The following PTPRD variants were observed in gnomAD, a reference collection of about 807,000 sequenced individuals.
PTPRD encodes the protein receptor-type tyrosine-protein phosphatase delta.
Under a neutral mutation model 214.5 loss-of-function variants are expected in PTPRD, and 34 were observed. The observed-to-expected ratio is 0.16, with a 90% confidence interval of 0.12 to 0.21. The LOEUF (loss-of-function observed/expected upper bound fraction) is 0.21. PTPRD is among the 10% of genes least tolerant of loss of function. The pLI is 1.00. For missense variants in PTPRD, 2,545 were observed against 2,398.7 expected, an observed-to-expected ratio of 1.06 and a Z score of -1.27; for synonymous variants, 1,128 against 845.7, an observed-to-expected ratio of 1.33 and a Z score of -5.79.
At chr9:10,240,859 A>G (rs925824882) in intron 3 of PTPRD, among the ~76,000 whole-genome samples, 3 of 151,888 alleles carry the variant, frequency 2.0e-5, no homozygotes, top group African/African-American at 7.2e-5. Flanking sequence ...ATCCATCAAA[A>G]TTAAAATAAT....
intron 2 of PTPRD, among the ~76,000 whole-genome samples, chr9:10,421,571 A>T (rs2098546128): frequency 6.6e-6 from 1 of 151,898 alleles, no homozygotes; most frequent in Non-Finnish European, 1.5e-5. Flanking sequence ...TTACTGTCCA[A>T]TTTTATGAAC....
At chr9:9,237,062 T>A (rs915334367) in intron 9 of PTPRD, among the ~76,000 whole-genome samples, 1 of 152,194 alleles carries the variant, frequency 6.6e-6, no homozygotes, top group African/African-American at 2.4e-5. Context: ...AAAATGGAAC[T>A]GTATACTCAG....
chr9:10,527,209 T>C (rs888833021), intron 2 of PTPRD, among the ~76,000 whole-genome samples: 4 of 152,168 alleles, frequency 2.6e-5, no homozygotes, highest in African/African-American at 9.6e-5. Flanking sequence ...CTTCATTTCT[T>C]TAAAACAGAT....
intron 3 of PTPRD, among the ~76,000 whole-genome samples, chr9:10,108,444 T>G (rs1391675859): frequency 6.7e-6 from 1 of 149,232 alleles, no homozygotes; most frequent in Non-Finnish European, 1.5e-5. Context: ...AAATTTTGTA[T>G]TTTTTTTTAC....
chr9:9,103,843 G>A (rs932012998), intron 10 of PTPRD, among the ~76,000 whole-genome samples: 11 of 152,164 alleles, frequency 7.2e-5, no homozygotes, highest in South Asian at 6.2e-4. Flanking sequence ...TTAGCTGGGC[G>A]TGGTGATGTG....
chr9:9,528,754 G>A (rs1191871408), intron 8 of PTPRD, among the ~76,000 whole-genome samples: 1 of 151,450 alleles, frequency 6.6e-6, no homozygotes, highest in Non-Finnish European at 1.5e-5. Flanking sequence ...AAGAAAGAAA[G>A]GAGGCTTCTC....
chr9:8,424,055 GC>G (rs2094516749), intron 35 of PTPRD, among the ~76,000 whole-genome samples: 1 of 152,110 alleles, frequency 6.6e-6, no homozygotes, highest in Admixed American at 6.6e-5. Flanking sequence ...AGAGCATGAA[GC>G]GGGTGGCTGG....
chr9:9,905,610 A>T (rs1183052601), intron 5 of PTPRD, among the ~76,000 whole-genome samples: 1 of 151,116 alleles, frequency 6.6e-6, no homozygotes, highest in Non-Finnish European at 1.5e-5. Flanking sequence ...CCCTATTCTC[A>T]GAAATTTTTA....
chr9:8,453,466 T>C (rs1216196279), intron 33 of PTPRD, among the ~76,000 whole-genome samples: 1 of 152,204 alleles, frequency 6.6e-6, no homozygotes, highest in African/African-American at 2.4e-5. Context: ...GCCTGGCCGA[T>C]GAAAGGTAGT....
At chr9:8,354,211 T>C (rs2076403167) in intron 39 of PTPRD, among the ~76,000 whole-genome samples, 1 of 151,954 alleles carries the variant, frequency 6.6e-6, no homozygotes. Context: ...TTTTCTATTG[T>C]AATTATAAGG....
At chr9:8,921,839 G>A (rs1299840971) in intron 11 of PTPRD, among the ~76,000 whole-genome samples, 1 of 152,134 alleles carries the variant, frequency 6.6e-6, no homozygotes, top group African/African-American at 2.4e-5. Context: ...TCTTGGGGGA[G>A]CCATTGCAAT....
At chr9:10,493,220 A>C (rs2040933202) in intron 2 of PTPRD, among the ~76,000 whole-genome samples, 1 of 152,112 alleles carries the variant, frequency 6.6e-6, no homozygotes, top group South Asian at 2.1e-4. Context: ...GCTACCATTG[A>C]CTTTCTTCAC....
At chr9:9,398,379 A>T (rs2068739304) in intron 8 of PTPRD, among the ~76,000 whole-genome samples, 1 of 152,000 alleles carries the variant, frequency 6.6e-6, no homozygotes, top group South Asian at 2.1e-4. Flanking sequence ...CCCTACCCAG[A>T]AGACTTCCTG....
At chr9:10,138,757 C>G (rs2098960548) in intron 3 of PTPRD, among the ~76,000 whole-genome samples, 1 of 152,110 alleles carries the variant, frequency 6.6e-6, no homozygotes, top group Non-Finnish European at 1.5e-5. Flanking sequence ...ACATGCAAAT[C>G]AGTAAATGTG....
intron 3 of PTPRD, among the ~76,000 whole-genome samples, chr9:10,184,732 A>T (rs2154311784): frequency 6.6e-6 from 1 of 152,284 alleles, no homozygotes; most frequent in Middle Eastern, 3.4e-3. Context: ...AATAATTAAT[A>T]TGTGGGGGCA....
intron 9 of PTPRD, among the ~76,000 whole-genome samples, chr9:9,337,639 TG>T (rs2045089981): frequency 6.6e-6 from 1 of 152,182 alleles, no homozygotes; most frequent in African/African-American, 2.4e-5. Flanking sequence ...CCTGCAAATT[TG>T]AAGGCCAAGA....
chr9:8,658,568 T>C (rs2096960955), intron 12 of PTPRD, among the ~76,000 whole-genome samples: 1 of 151,898 alleles, frequency 6.6e-6, no homozygotes. Context: ...CCAAGAGGAC[T>C]AGATTCTCTC....
intron 11 of PTPRD, among the ~76,000 whole-genome samples, chr9:8,964,348 G>C (rs949914619): frequency 2.6e-5 from 4 of 151,700 alleles, no homozygotes; most frequent in Non-Finnish European, 4.4e-5. Context: ...TGTCCATAGA[G>C]TTGTTCATAA....
rs72700346 is a variant in PTPRD, at chr9:8,682,020, C to T, written c.65-45176G>A. On this transcript the variant is annotated intron_variant, in intron 12 of 45. Transcript: ENST00000381196. ...AAACATGCAAGGATTTTTTTTAAAC[C>T]CTTAAATATGAAAAATCACTTCATA... Among the ~76,000 whole-genome samples the T allele has an allele frequency of 2.7e-3, 405 of 151,848 alleles. 1 individual carries two copies. Among genetic ancestry groups the T allele is most frequent in the Admixed American group, 4.1e-3 (62 of 15,252 alleles).
Sources: gnomAD v4.1 joint callset for allele counts (sites outside exome capture counted in the v4.1 genomes callset) on GRCh38, gnomAD v4.1.1 for gene constraint, MANE v1.5 for transcripts, NCBI Gene and HGNC (gene_info 2026-07-23, HGNC 2026-07-21) for gene names.